The following ENDOV variants were observed in gnomAD, a reference collection of about 807,000 sequenced individuals.
ENDOV encodes hEndoV.
ENDOV carries 37 observed loss-of-function variants against 39.4 expected under a neutral mutation model. The observed-to-expected ratio is 0.94, with a 90% CI of 0.72 to 1.23. ENDOV has a LOEUF of 1.23. ENDOV is among the 50% of genes most tolerant of loss of function. The probability of loss-of-function intolerance (pLI) is 0.00; values close to 1 mark genes in which losing one functional copy is unlikely to be tolerated. For missense variants in ENDOV, 441 were observed against 375.7 expected, an observed-to-expected ratio of 1.17 and a Z score of -1.44; for synonymous variants, 186 against 163.4, an observed-to-expected ratio of 1.14 and a Z score of -1.05.
rs41303582 is a variant in ENDOV, at chr17:80,437,971, C to G, written c.*1828C>G. 1 of 152,174 alleles carries G rather than the reference C, an allele frequency of 6.6e-6. No individual in the cohort carries two copies. Among genetic ancestry groups the G allele is most frequent in the Admixed American group, 6.5e-5 (1 of 15,282 alleles). The allele number at this position is 152,174 out of a possible 1,614,324, so 9.4% of individuals were successfully genotyped here. A position where few individuals can be genotyped will look rare whatever the true frequency, so the allele number is the denominator to read the frequency against. ...CGGCCCCCGTAACCAAGCAGTGGGC[C>G]GAGACACTGAGCCGGGCAGTCAAAC... On this transcript the variant is annotated 3_prime_UTR_variant, in exon 10 of 10. Coordinates refer to ENST00000518137, the MANE Select transcript of ENDOV (RefSeq NM_173627.5).
chr17:80,430,890 C>A (rs1177847287), intron 9 of ENDOV, among the ~76,000 whole-genome samples: 1 of 152,200 alleles, frequency 6.6e-6, no homozygotes, highest in Non-Finnish European at 1.5e-5. Flanking sequence ...ACTTCATCTT[C>A]TCTTGGTGTG....
In ENDOV at chr17:80,436,561, C is replaced by A; in HGVS notation, c.*418C>A. On this transcript the variant is annotated 3_prime_UTR_variant, in exon 10 of 10. Coordinates refer to ENST00000518137, the MANE Select transcript of ENDOV (RefSeq NM_173627.5). ...GTTCTTCTGTGAATATGAGGTGTTA[C>A]ATTGATTGATTTTCATATGTTGAGC... 1 of 313,816 alleles carries A rather than the reference C, an allele frequency of 3.2e-6. No individual in the cohort carries two copies. Among genetic ancestry groups the A allele is most frequent in the Non-Finnish European group, 5.9e-6 (1 of 169,830 alleles). 19.4% of individuals were successfully genotyped at this position (313,816 alleles called of 1,614,324 possible). A position where few individuals can be genotyped will look rare whatever the true frequency, so the allele number is the denominator to read the frequency against.
At chr17:80,420,053 C>T (rs1234084129) in intron 2 of ENDOV, 1 of 233,564 alleles carries the variant, frequency 4.3e-6, no homozygotes, top group Non-Finnish European at 8.7e-6. Context: ...TACTTAGGTT[C>T]AGCTGTTGCT....
rs772602497 is a variant in ENDOV, at chr17:80,428,658, G to T, written c.777G>T (p.Pro259=). Residue 259 remains proline, a splice_region_variant and synonymous_variant, in exon 8 of 10, where the codon CCG becomes CCT. Coordinates refer to ENST00000518137, the MANE Select transcript of ENDOV (RefSeq NM_173627.5). ...TGGGACTCCCCGGGCCACCCACACC[G>T]AGGTGAGCACCCAGGGAGGCTGGGG... The part of the protein sequence containing the change: ...KSLGLPGPPT[P]RSPKAQRPVA... 10 of 1,578,288 alleles carry T rather than the reference G, an allele frequency of 6.3e-6. No homozygotes were observed. In the South Asian group the frequency reaches 1.2e-4, roughly 18 times the overall value.
intron 2 of ENDOV, among the ~76,000 whole-genome samples, chr17:80,421,512 A>G (rs531106305): frequency 1.2e-5 from 1 of 86,476 alleles, no homozygotes; most frequent in Non-Finnish European, 2.1e-5. Flanking sequence ...GCTATGGACC[A>G]GGTCCCGGTG....
intron 9 of ENDOV, among the ~76,000 whole-genome samples, chr17:80,432,581 C>T (rs556977807): frequency 2.0e-5 from 3 of 152,238 alleles, no homozygotes; most frequent in East Asian, 1.9e-4. Flanking sequence ...CGTGTCATTG[C>T]CCGTGAGTCC....
chr17:80,423,145 GCCAAAGGGTTGTCATGTGCCGAC>G (rs926481408), intron 4 of ENDOV, among the ~76,000 whole-genome samples: 3 of 152,240 alleles, frequency 2.0e-5, no homozygotes, highest in African/African-American at 7.2e-5. Flanking sequence ...TGGGTGCAGA[GCCAAAGGGTTGTCATGTGCCGAC>G]CCACATGCTC....
At chr17:80,431,328 T>C (rs1241241461) in intron 9 of ENDOV, among the ~76,000 whole-genome samples, 1 of 152,186 alleles carries the variant, frequency 6.6e-6, no homozygotes, top group Non-Finnish European at 1.5e-5. Context: ...TTTGGAGGGC[T>C]GGGCTGCAGG....
intron 7 of ENDOV, among the ~76,000 whole-genome samples, chr17:80,426,789 G>C (rs2082734360): frequency 6.6e-6 from 1 of 152,274 alleles, no homozygotes; most frequent in Non-Finnish European, 1.5e-5. Context: ...GACTTGGATG[G>C]CTGTGAGTTG....
chr17:80,419,999 C>A (rs2081775296), intron 2 of ENDOV: 1 of 313,626 alleles, frequency 3.2e-6, no homozygotes, highest in East Asian at 6.5e-5. Context: ...GTACATACAT[C>A]CCCCCAAATT....
intron 7 of ENDOV, among the ~76,000 whole-genome samples, chr17:80,426,703 T>C (rs1304371896): frequency 2.0e-5 from 3 of 152,198 alleles, no homozygotes; most frequent in Non-Finnish European, 4.4e-5. Flanking sequence ...CGGAGCCAGA[T>C]GGCAGTGAAG....
chr17:80,415,188 C>A lies in ENDOV; in HGVS notation c.-7C>A, dbSNP rs754857108. ...TGACGTGCGGAAGGGGTGCCCGGGA[C>A]GAAGCCATGGCCCTGGAGGCGGCGG... On this transcript the variant is annotated 5_prime_UTR_variant, in exon 1 of 10. Transcript: ENST00000518137. 1.9e-6 allele frequency: 3 copies of A among 1,612,812 alleles called. No individual in the cohort carries two copies. The highest frequency in any genetic ancestry group is 2.2e-5 in the South Asian group (2 of 90,948).
In ENDOV at chr17:80,423,615, G is replaced by A. The variant is rs900294768; in HGVS notation, c.499G>A (p.Ala167Thr). The part of the protein sequence containing the change: ...LLQVDGLENN[A>T]LHKEKIRLLQ... The stretch of plus-strand genomic sequence containing the variant: ...GCAGGTGGATGGGCTGGAGAACAAC[G>A]CCCTGCACAAGGAGAAGGTGAGGAG... The change falls in exon 5 of 10, where the codon GCC becomes ACC. Residue 167 changes from alanine to threonine, a missense_variant. Coordinates refer to ENST00000518137, the MANE Select transcript of ENDOV (RefSeq NM_173627.5). 5.8e-6 allele frequency: 9 copies of A among 1,552,470 alleles called. No homozygotes were observed. The highest frequency in any genetic ancestry group is 4.1e-5 in the African/African-American group (3 of 73,124).
intron 9 of ENDOV, chr17:80,433,212 G>T (rs765645591): frequency 1.9e-6 from 1 of 520,036 alleles, no homozygotes; most frequent in Non-Finnish European, 3.8e-6. Context: ...GGCTGGCCTT[G>T]AGCAAAGCTC....
At chr17:80,435,715 C>T (rs577914539) in intron 9 of ENDOV, among the ~76,000 whole-genome samples, 7 of 151,990 alleles carry the variant, frequency 4.6e-5, no homozygotes, top group South Asian at 2.1e-4. Context: ...CCCGGGTTCA[C>T]GCCATTCTCC....
At chr17:80,416,118 T>C in intron 2 of ENDOV, 1 of 253,152 alleles carries the variant, frequency 4.0e-6, no homozygotes. Context: ...ATACCTGTAA[T>C]CCCAGCTACT....
intron 8 of ENDOV, among the ~76,000 whole-genome samples, chr17:80,429,571 A>G (rs1443621657): frequency 2.6e-5 from 4 of 152,150 alleles, no homozygotes; most frequent in Non-Finnish European, 4.4e-5. Context: ...GGACCCCCCA[A>G]GCTCTCCCAG....
rs569806485 is a variant in ENDOV at position 80,436,037 on chromosome 17, G to A, written c.839-96G>A. 1.8e-5 allele frequency: 25 copies of A among 1,388,850 alleles called. No homozygotes were observed. The East Asian group carries it at 3.0e-4, about 17-fold the overall frequency. 86.0% of individuals were successfully genotyped at this position (1,388,850 alleles called of 1,614,324 possible). A position where few individuals can be genotyped will look rare whatever the true frequency, so the allele number is the denominator to read the frequency against. ...CCCCAAGTGCTGAGATTACAGGCGC[G>A]AGCCACTGCACCTGGCCCATTTCCA... is the stretch of plus-strand genomic sequence containing the variant. On this transcript the variant is annotated intron_variant, in intron 9 of 9. Coordinates refer to ENST00000518137, the MANE Select transcript of ENDOV (RefSeq NM_173627.5).
rs772221415 is a variant in ENDOV at position 80,415,785 on chromosome 17, TGCTTCCCTGGTGGTGCTCA to T, written c.202_220del (p.Val68SerfsTer124). The T allele has an allele frequency of 1.9e-6, 3 of 1,603,480 alleles. No individual in the cohort carries two copies. The highest frequency in any genetic ancestry group is 1.1e-5 in the South Asian group (1 of 89,076). On this transcript the variant is annotated frameshift_variant, in exon 2 of 10. Coordinates refer to ENST00000518137, the MANE Select transcript of ENDOV (RefSeq NM_173627.5). LOFTEE classifies it high-confidence loss of function. Reference sequence around the variant, plus strand: ...TGAAAGGGGACAGTGTCCGCGCTTGTGCTTCCCTGGTGGTGCTCAGCTTCCCTGAGCTCGAGGTAACCTG... The same window carrying T: ...TGAAAGGGGACAGTGTCCGCGCTTGTGCTTCCCTGAGCTCGAGGTAACCTG...
Sources: allele counts gnomAD v4.1 joint callset (sites outside exome capture counted in the v4.1 genomes callset), GRCh38; gene constraint gnomAD v4.1.1; transcripts MANE v1.5; gene names NCBI Gene and HGNC (gene_info 2026-07-23, HGNC 2026-07-21).